HLA-DPB1: variants seen among roughly 807,000 people sequenced by gnomAD.
HLA-DPB1 encodes the protein HLA class II histocompatibility antigen, DP beta 1 chain.
A neutral mutation model predicts 29.4 loss-of-function variants in HLA-DPB1; 30 were observed. The observed-to-expected ratio is 1.02, with a 90% CI of 0.76 to 1.38. HLA-DPB1 has a LOEUF of 1.38. Among genes scored for constraint, HLA-DPB1 ranks in the 40% most tolerant of loss-of-function variants. HLA-DPB1 has a pLI of 0.00. For missense variants in HLA-DPB1, 261 were observed against 327.5 expected, an observed-to-expected ratio of 0.80 and a Z score of 1.57; for synonymous variants, 114 against 134.0, an observed-to-expected ratio of 0.85 and a Z score of 1.03.
intron 1 of HLA-DPB1, among the ~76,000 whole-genome samples, chr6:33,078,512 T>TG (rs1762671491): frequency 6.6e-6 from 1 of 152,182 alleles, no homozygotes; most frequent in Admixed American, 6.5e-5. Context: ...TAGAGGTTTT[T>TG]AATATATCCT....
rs1762833192 is a variant in HLA-DPB1 at position 33,080,935 on chromosome 6, G to A, written c.364G>A (p.Val122Ile). 6.3e-7 allele frequency: 1 copy of A among 1,583,288 alleles called. No homozygotes were observed. Residue 122 changes from valine to isoleucine, a missense_variant and splice_region_variant, in exon 2 of 6, where the codon GTC becomes ATC. By Grantham distance (29) the Val-to-Ile change is conservative. Coordinates refer to ENST00000418931, the MANE Select transcript of HLA-DPB1 (RefSeq NM_002121.6). The surrounding 1 kb of genome is among the most constrained non-coding windows in gnomAD (Gnocchi z 4.3). ...CGGGCCCATGACCCTGCAGCGCCGA[G>A]GTGAGTGAGGGCTTTGGGCCGGCGG... ...LGGPMTLQRR[V>I]QPRVNVSPSK... is the part of the protein sequence containing the mutation.
Sources: gnomAD v4.1 joint callset for allele counts (sites outside exome capture counted in the v4.1 genomes callset) on GRCh38, gnomAD v4.1.1 for gene constraint, Gnocchi (gnomAD v3.1) non-coding constraint, MANE v1.5 for transcripts, NCBI Gene and HGNC (gene_info 2026-07-23, HGNC 2026-07-21) for gene names.